TMEM255A: variants seen among roughly 807,000 people sequenced by gnomAD.
The protein encoded by TMEM255A is family with sequence similarity 70, member A.
A neutral mutation model predicts 23.5 loss-of-function variants in TMEM255A; 14 were observed. That is an observed-to-expected ratio of 0.60 (90% confidence interval 0.39 to 0.93). The LOEUF (loss-of-function observed/expected upper bound fraction) is 0.93. TMEM255A is among the 40% of genes least tolerant of loss of function. The pLI is 0.00. For missense variants in TMEM255A, 233 were observed against 261.7 expected (o/e 0.89, Z 0.76); for synonymous variants, 104 against 100.3 (o/e 1.04, Z -0.22).
the TMEM255A span, among the ~76,000 whole-genome samples, chrX:120,251,526 A>C: frequency 9.0e-6 from 1 of 111,068 alleles, no homozygotes. Flanking sequence ...TTGCACGTGA[A>C]TTGGGGTTAA....
At chrX:120,300,642 G>A (rs2147217138) in intron 2 of TMEM255A, among the ~76,000 whole-genome samples, 1 of 99,591 alleles carries the variant, frequency 1.0e-5, no homozygotes, top group South Asian at 4.9e-4. Context: ...TGATCCGCCT[G>A]CTTCAGCCTC....
At chrX:120,285,743 C>A (rs782004164) in intron 5 of TMEM255A, 1 of 1,203,452 alleles carries the variant, frequency 8.3e-7, no homozygotes, top group South Asian at 1.8e-5. Context: ...TACAAGTGAA[C>A]CTATGGAAGT....
At position 120,268,062 on chromosome X, in the gene TMEM255A, C is replaced by T. The variant is rs781964007; in HGVS notation, c.819+182G>A. On this transcript the variant is annotated intron_variant, in intron 8 of 8. Transcript: ENST00000371369. ...GCTTCCACCCGCCCATCTCTGCCAT[C>T]GTTGCCTGCCTACATAGTCCTTAAG... 1.1e-4 allele frequency among the ~76,000 whole-genome samples: 12 copies of T among 111,562 alleles called. No homozygotes were observed. In the East Asian group the frequency reaches 1.7e-3, roughly 16 times the overall value.
chrX:120,311,142 GC>G, intron 1 of TMEM255A, 109 bp downstream of exon 1: 1 of 726,740 alleles, frequency 1.4e-6, no homozygotes, highest in Non-Finnish European at 2.1e-6. Context: ...CCCCATCCAT[GC>G]CCCGTTTCCC....
downstream of TMEM255A, chrX:120,258,148 A>G (rs1279968725): frequency 8.1e-6 from 1 of 123,437 alleles, no homozygotes; most frequent in Non-Finnish European, 1.9e-5. Context: ...AAGATAAAAA[A>G]ATGGTAAACA....
chrX:120,298,699 C>T (rs1229433360), intron 2 of TMEM255A, among the ~76,000 whole-genome samples: 1 of 111,258 alleles, frequency 9.0e-6, no homozygotes, highest in African/African-American at 3.3e-5. Context: ...CCTATATAAA[C>T]AAAGCTAAAT....
chrX:120,287,132 A>G (rs1217804968), intron 5 of TMEM255A, 22 bp downstream of exon 5: 5 of 1,187,274 alleles, frequency 4.2e-6, no homozygotes, highest in Non-Finnish European at 4.6e-6. Context: ...AGGTAAAGAC[A>G]TGCAGCCTCA....
chrX:120,279,965 T>G lies in TMEM255A; in HGVS notation c.513-2918A>C, dbSNP rs562889887. Among the ~76,000 whole-genome samples, 4 of 108,734 alleles carry G rather than the reference T, an allele frequency of 3.7e-5. No homozygotes were observed. In the South Asian group the frequency reaches 1.2e-3, roughly 32 times the overall value. The allele number at this position is 108,734 out of a possible 115,157, so 94.4% of individuals were successfully genotyped here. On this transcript the variant is annotated intron_variant, in intron 6 of 8. Transcript: ENST00000371369. ...TTGGTTGGGTTTTTTCTTTTTCTTT[T>G]TTTTTCCTTCCTTCTTTTCTTTCCT... is the stretch of plus-strand genomic sequence containing the variant.
At chrX:120,263,010 G>A (rs1314947804) in intron 8 of TMEM255A, among the ~76,000 whole-genome samples, 1 of 111,196 alleles carries the variant, frequency 9.0e-6, no homozygotes, top group Non-Finnish European at 1.9e-5. Flanking sequence ...GAGAAGTATG[G>A]GGGGAGGGGG....
At chrX:120,253,731 C>T (rs1569327875), downstream of TMEM255A, 1 of 1,211,399 alleles carries the variant, frequency 8.3e-7, no homozygotes, top group Non-Finnish European at 1.1e-6. Flanking sequence ...TAAATCAGGG[C>T]AGTTATTAGG....
At chrX:120,306,566 AG>A (rs2058066510) in intron 1 of TMEM255A, among the ~76,000 whole-genome samples, 2 of 111,756 alleles carry the variant, frequency 1.8e-5, no homozygotes, top group Non-Finnish European at 3.8e-5. Context: ...GGCAAAAGAG[AG>A]TGAGAGAACA....
rs782751076 is a variant in TMEM255A at position 120,311,342 on chromosome X, A to G, written c.-33T>C. ...ACTGCCCGGTTGCCCCAGTCCCCGA[A>G]GCTGCTTCAAGCGCCCCCGGCTCTG... On this transcript the variant is annotated 5_prime_UTR_variant, in exon 1 of 9. Transcript: ENST00000371369. The G allele has an allele frequency of 9.8e-6, 11 of 1,127,117 alleles. No homozygotes were observed. Among genetic ancestry groups the G allele is most frequent in the African/African-American group, 9.1e-5 (5 of 55,101 alleles). The allele number at this position is 1,127,117 out of a possible 1,213,427, so 92.9% of individuals were successfully genotyped here. A position where few individuals can be genotyped will look rare whatever the true frequency, so the allele number is the denominator to read the frequency against.
chrX:120,288,821 C>T (rs1603402358), intron 4 of TMEM255A, among the ~76,000 whole-genome samples: 1 of 112,219 alleles, frequency 8.9e-6, no homozygotes, highest in African/African-American at 3.2e-5. Context: ...TCATGCTAAC[C>T]CTGAAAGGTA....
intron 2 of TMEM255A, among the ~76,000 whole-genome samples, chrX:120,297,292 A>G (rs2058003059): frequency 1.1e-5 from 1 of 94,910 alleles, no homozygotes; most frequent in African/African-American, 3.9e-5. Context: ...AGAGCCTGCC[A>G]TACAGGGTTG....
chrX:120,274,172 A>G (rs1228696212), intron 7 of TMEM255A, among the ~76,000 whole-genome samples: 1 of 112,269 alleles, frequency 8.9e-6, no homozygotes, highest in African/African-American at 3.2e-5. Flanking sequence ...AGAAGTTCGA[A>G]TATTGCATGA....
intron 7 of TMEM255A, among the ~76,000 whole-genome samples, chrX:120,269,480 C>G (rs1226188738): frequency 8.9e-6 from 1 of 112,140 alleles, no homozygotes; most frequent in Non-Finnish European, 1.9e-5. Context: ...AGCTTCCTCT[C>G]AAGTGATGAA....
At chrX:120,270,369 C>T (rs2057749844) in intron 7 of TMEM255A, among the ~76,000 whole-genome samples, 1 of 108,071 alleles carries the variant, frequency 9.3e-6, no homozygotes, top group Non-Finnish European at 1.9e-5. Context: ...GCCCTGCCCC[C>T]CCATTATTGA....
chrX:120,297,614 A>T (rs781889409), intron 2 of TMEM255A, among the ~76,000 whole-genome samples: 52 of 111,304 alleles, frequency 4.7e-4, no homozygotes, highest in African/African-American at 1.5e-3. Flanking sequence ...TGGAATTCAT[A>T]TCATTCCCAT....
intron 3 of TMEM255A, among the ~76,000 whole-genome samples, chrX:120,292,065 C>T (rs149122526): frequency 0.024 from 2,634 of 111,089 alleles, 79 homozygotes; most frequent in African/African-American, 0.08. Flanking sequence ...TGGTCTCAAA[C>T]TCCTGAGAAC....
Sources: gnomAD v4.1 joint callset for allele counts (sites outside exome capture counted in the v4.1 genomes callset) on GRCh38, gnomAD v4.1.1 for gene constraint, MANE v1.5 for transcripts, NCBI Gene and HGNC (gene_info 2026-07-23, HGNC 2026-07-21) for gene names.